RFTN1: variants seen among roughly 807,000 people sequenced by gnomAD.
RFTN1 encodes the protein raftlin, lipid raft linker 1.
RFTN1 carries 26 observed loss-of-function variants against 46.5 expected under a neutral mutation model. The ratio of observed to expected loss-of-function variants is 0.56; its 90% CI spans 0.41 to 0.78. RFTN1 has a LOEUF of 0.78. Among genes scored for constraint, RFTN1 ranks in the 30% least tolerant of loss-of-function variants. The probability of loss-of-function intolerance (pLI) is 0.00; values close to 1 mark genes in which losing one functional copy is unlikely to be tolerated. For missense variants in RFTN1, 693 were observed against 718.7 expected (o/e 0.96, Z 0.41); for synonymous variants, 261 against 284.2 (o/e 0.92, Z 0.82).
At chr3:16,339,788 T>C (rs146498006) in intron 7 of RFTN1, 50 of 152,360 alleles carry the variant, frequency 3.3e-4, no homozygotes, top group African/African-American at 1.2e-3. Flanking sequence ...GTTTATCTTG[T>C]TCTTGATGAA....
In RFTN1 at chr3:16,498,724, C is replaced by T. The variant is rs1269961892; in HGVS notation, c.-8-4847G>A. ...TTGTGTAGAGGCAGCTAGCCTGCTC[C>T]CTGCTGCCACACCGGCATTCCTTTC... On this transcript the variant is annotated intron_variant, in intron 1 of 9. Coordinates refer to ENST00000334133, the MANE Select transcript of RFTN1 (RefSeq NM_015150.2). The surrounding 1 kb of genome is among the most constrained non-coding windows in gnomAD (Gnocchi z 5.2). Among the ~76,000 whole-genome samples the T allele has an allele frequency of 2.6e-5, 4 of 152,150 alleles. No homozygotes were observed. The highest frequency in any genetic ancestry group is 4.4e-5 in the Non-Finnish European group (3 of 68,034).
rs1016954675 is a variant in RFTN1, at chr3:16,338,190, C to T, written c.1147-11314G>A. 1.5e-4 allele frequency among the ~76,000 whole-genome samples: 23 copies of T among 152,166 alleles called. No individual in the cohort carries two copies. Among genetic ancestry groups the T allele is most frequent in the African/African-American group, 4.3e-4 (18 of 41,426 alleles). ...GAAGGCAGAAAGAAGAAAGGGGCTA[C>T]GGGATGGAAGGGCAGGAGATGGCAT... On this transcript the variant is annotated intron_variant, in intron 7 of 9. Transcript: ENST00000334133. This position sits in a 1 kb window ranked among gnomAD's most constrained non-coding sequence, Gnocchi z 5.3.
rs555904218 is a variant in RFTN1 at position 16,458,989 on chromosome 3, C to T, written c.146-24952G>A. Among the ~76,000 whole-genome samples, 146 of 152,294 alleles carry T rather than the reference C, an allele frequency of 9.6e-4. No homozygotes were observed. Among genetic ancestry groups the T allele is most frequent in the African/African-American group, 3.3e-3 (136 of 41,554 alleles). On this transcript the variant is annotated intron_variant, in intron 2 of 9. Coordinates refer to ENST00000334133, the MANE Select transcript of RFTN1 (RefSeq NM_015150.2). The surrounding 1 kb of genome is among the most constrained non-coding windows in gnomAD (Gnocchi z 5.1). ...CTCACTCTGTCACCAGGTTGGAGAG[C>T]AGTGATGCCATCACAGGTCACTGCA...
At chr3:16,389,552 A>G (rs1474615423) in intron 4 of RFTN1, among the ~76,000 whole-genome samples, 1 of 152,230 alleles carries the variant, frequency 6.6e-6, no homozygotes, top group Non-Finnish European at 1.5e-5. Context: ...ATACATTTAA[A>G]GATTATCTTC....
At chr3:16,393,388 T>C (rs1427483594) in intron 4 of RFTN1, among the ~76,000 whole-genome samples, 1 of 152,158 alleles carries the variant, frequency 6.6e-6, no homozygotes, top group Admixed American at 6.5e-5. Flanking sequence ...AAAACTCCAA[T>C]GCACATAAGA....
intron 7 of RFTN1, among the ~76,000 whole-genome samples, chr3:16,343,630 A>G (rs1242911439): frequency 2.6e-5 from 4 of 152,232 alleles, no homozygotes; most frequent in Non-Finnish European, 5.9e-5. Flanking sequence ...GAAGTCCTTC[A>G]TGCATGTGTT....
In RFTN1 at chr3:16,380,415, C is replaced by G. The variant is rs1379266664; in HGVS notation, c.442-2313G>C. On this transcript the variant is annotated intron_variant, in intron 4 of 9. Coordinates refer to ENST00000334133, the MANE Select transcript of RFTN1 (RefSeq NM_015150.2). The surrounding 1 kb of genome is among the most constrained non-coding windows in gnomAD (Gnocchi z 4.8). Reference sequence around the variant, plus strand: ...CATCTAGAGTGAAGAGGCGAGGACTCCAGACACAGGGCATTATCCTAGCCC... The same window carrying G: ...CATCTAGAGTGAAGAGGCGAGGACTGCAGACACAGGGCATTATCCTAGCCC... 6.6e-6 allele frequency among the ~76,000 whole-genome samples: 1 copy of G among 152,190 alleles called. No individual in the cohort carries two copies. The highest frequency in any genetic ancestry group is 1.5e-5 in the Non-Finnish European group (1 of 68,030).
At chr3:16,409,994 AT>A (rs11317679) in intron 3 of RFTN1, among the ~76,000 whole-genome samples, 76,517 of 147,158 alleles carry the variant, frequency 0.52, 19,670 homozygotes, top group East Asian at 0.58. Flanking sequence ...GACGCAGAAT[AT>A]TTTTTTTTTT....
intron 7 of RFTN1, among the ~76,000 whole-genome samples, chr3:16,331,538 A>G (rs2070312082): frequency 6.6e-6 from 1 of 151,972 alleles, no homozygotes; most frequent in African/African-American, 2.4e-5. Flanking sequence ...TATTACCTCC[A>G]TTTTTTTCAT....
At chr3:16,445,853 C>A (rs980060160) in intron 2 of RFTN1, among the ~76,000 whole-genome samples, 5 of 151,902 alleles carry the variant, frequency 3.3e-5, no homozygotes, top group African/African-American at 1.2e-4. Context: ...TGTTCTATAT[C>A]ATTAATTACC....
chr3:16,343,813 A>G (rs998832202), intron 7 of RFTN1, among the ~76,000 whole-genome samples: 2 of 152,238 alleles, frequency 1.3e-5, no homozygotes, highest in African/African-American at 2.4e-5. Context: ...TTGCATAGCA[A>G]TTTGATAACT....
chr3:16,397,170 T>G (rs2074488885), intron 4 of RFTN1, among the ~76,000 whole-genome samples: 1 of 152,044 alleles, frequency 6.6e-6, no homozygotes, highest in Non-Finnish European at 1.5e-5. Context: ...GGAATATTAT[T>G]CAGCCTTAAA....
chr3:16,404,335 AAT>A (rs1487544725), intron 4 of RFTN1, among the ~76,000 whole-genome samples: 2 of 44,008 alleles, frequency 4.5e-5, no homozygotes, highest in African/African-American at 8.9e-5. Flanking sequence ...TATAATATAT[AAT>A]ATATATAATA....
chr3:16,504,778 C>A lies in RFTN1; in HGVS notation c.-9+8664G>T, dbSNP rs922299148. 2.0e-5 allele frequency among the ~76,000 whole-genome samples: 3 copies of A among 152,182 alleles called. No individual in the cohort carries two copies. The South Asian group carries it at 6.2e-4, about 31-fold the overall frequency. On this transcript the variant is annotated intron_variant, in intron 1 of 9. Transcript: ENST00000334133. The surrounding 1 kb of genome is among the most constrained non-coding windows in gnomAD (Gnocchi z 4.4). ...TCTCTCCAGCTCCAGGCAGACATCT[C>A]CAAGAACTGTTTCAACATCTCCACC...
In RFTN1 at chr3:16,380,939, T is replaced by C. The variant is rs1488457653; in HGVS notation, c.442-2837A>G. ...CTCCTTGAAGGTAGGGATGGAGACATTAATTTTTCAGCTGTAGAATCCAAC... is the reference window on the plus strand; with the variant it reads ...CTCCTTGAAGGTAGGGATGGAGACACTAATTTTTCAGCTGTAGAATCCAAC... On this transcript the variant is annotated intron_variant, in intron 4 of 9. Transcript: ENST00000334133. This position sits in a 1 kb window ranked among gnomAD's most constrained non-coding sequence, Gnocchi z 4.8. Among the ~76,000 whole-genome samples, 4 of 152,188 alleles carry C rather than the reference T, an allele frequency of 2.6e-5. No homozygotes were observed. The highest frequency in any genetic ancestry group is 9.6e-5 in the African/African-American group (4 of 41,452).
Position 16,504,661 on chromosome 3 carries a change from G to A in RFTN1, c.-9+8781C>T, listed in dbSNP as rs934030425. 5.9e-5 allele frequency among the ~76,000 whole-genome samples: 9 copies of A among 152,084 alleles called. No individual in the cohort carries two copies. The highest frequency in any genetic ancestry group is 1.3e-4 in the Non-Finnish European group (9 of 68,020). On this transcript the variant is annotated intron_variant, in intron 1 of 9. Transcript: ENST00000334133. The surrounding 1 kb of genome is among the most constrained non-coding windows in gnomAD (Gnocchi z 4.4). ...TCAAAAAAGTTACTTACATGCTATT[G>A]TCTCTCCCTTAGCACTCACACTCCC...
At chr3:16,364,655 G>T (rs1429594343) in intron 6 of RFTN1, among the ~76,000 whole-genome samples, 1 of 152,014 alleles carries the variant, frequency 6.6e-6, no homozygotes, top group Non-Finnish European at 1.5e-5. Context: ...CCTATATGGG[G>T]CAAAATAAAT....
chr3:16,419,608 C>G (rs886610676), intron 3 of RFTN1, among the ~76,000 whole-genome samples: 1 of 151,056 alleles, frequency 6.6e-6, no homozygotes, highest in Non-Finnish European at 1.5e-5. Context: ...TATGAACCCT[C>G]TTTGCAAAAT....
rs1036170055 is a variant in RFTN1, at chr3:16,335,831, C to G, written c.1147-8955G>C. ...CACACCATCAAATATCTCAAGAGGG[C>G]AAGTCACAAGGAGCCTGGAAACTGG... On this transcript the variant is annotated intron_variant, in intron 7 of 9. Transcript: ENST00000334133. The surrounding 1 kb of genome is among the most constrained non-coding windows in gnomAD (Gnocchi z 4.7). Among the ~76,000 whole-genome samples, 1 of 150,688 alleles carries G rather than the reference C, an allele frequency of 6.6e-6. No individual in the cohort carries two copies. The highest frequency in any genetic ancestry group is 2.1e-4 in the South Asian group (1 of 4,744).
Sources: gnomAD v4.1 joint callset for allele counts (sites outside exome capture counted in the v4.1 genomes callset) on GRCh38, gnomAD v4.1.1 for gene constraint, Gnocchi (gnomAD v3.1) non-coding constraint, MANE v1.5 for transcripts, NCBI Gene and HGNC (gene_info 2026-07-23, HGNC 2026-07-21) for gene names.